The following CALD1 variants were observed in gnomAD, a reference collection of about 807,000 sequenced individuals.
CALD1 encodes the protein caldesmon 1, also known as caldesmon.
CALD1 carries 33 observed loss-of-function variants against 99.9 expected under a neutral mutation model. That is an observed-to-expected ratio of 0.33 (90% CI 0.25 to 0.44). CALD1 has a LOEUF of 0.44. Ranked by LOEUF, CALD1 falls within the 20% of genes least tolerant of loss-of-function variation. The probability of loss-of-function intolerance (pLI) is 1.00; values close to 1 mark genes in which losing one functional copy is unlikely to be tolerated. For missense variants in CALD1, 861 were observed against 962.1 expected, an observed-to-expected ratio of 0.89 and a Z score of 1.39; for synonymous variants, 310 against 325.0, an observed-to-expected ratio of 0.95 and a Z score of 0.50.
chr7:134,877,576 T>A (rs936119979), intron 3 of CALD1, among the ~76,000 whole-genome samples: 3 of 152,182 alleles, frequency 2.0e-5, no homozygotes, highest in African/African-American at 7.2e-5. Flanking sequence ...AAAAATGTAG[T>A]TAGGCCTACA....
intron 3 of CALD1, among the ~76,000 whole-genome samples, chr7:134,901,441 T>C (rs1406712652): frequency 2.6e-5 from 4 of 151,988 alleles, no homozygotes; most frequent in Non-Finnish European, 5.9e-5. Flanking sequence ...TGGGGGAACG[T>C]AGGTGTTTCA....
rs769203304 is a variant in CALD1 at position 134,928,883 on chromosome 7, G to A, written c.201G>A (p.Glu67=). 2.5e-6 allele frequency: 4 copies of A among 1,613,394 alleles called. No individual in the cohort carries two copies. In the African/African-American group the frequency reaches 4.0e-5, roughly 16 times the overall value. Residue 67 remains glutamate, a synonymous_variant, in exon 4 of 15, where the codon GAG becomes GAA. Coordinates refer to ENST00000361675, the MANE Select transcript of CALD1 (RefSeq NM_033138.4). ...TGGGACAGGTGACCGACCAGGTGGA[G>A]GTGAATGCCCAGAACAGGTACTGTC... ...ESLGQVTDQV[E]VNAQNSVPDE... is the part of the protein sequence containing the mutation.
intron 3 of CALD1, among the ~76,000 whole-genome samples, chr7:134,921,848 T>A (rs1804643864): frequency 6.6e-6 from 1 of 152,128 alleles, no homozygotes. Context: ...AAATTTTAAA[T>A]TTAAGTGAAC....
Position 134,935,703 on chromosome 7 carries a change from A to G in CALD1, c.1324A>G (p.Thr442Ala). The G allele has an allele frequency of 6.2e-7, 1 of 1,605,776 alleles. No homozygotes were observed. Among genetic ancestry groups the G allele is most frequent in the Non-Finnish European group, 8.5e-7 (1 of 1,176,482 alleles). The change falls in exon 6 of 15, where the codon ACT becomes GCT. Residue 442 changes from threonine to alanine, a missense_variant. Around this residue, in one of 5 missense-constraint regions of CALD1, gnomAD observed 293 missense variants for 262.7 expected, o/e 1.12. Transcript: ENST00000361675. ...AAATAAAAAGGGAGAAGAGAAGGGA[A>G]CTAAAGTGCAAGCTAAAAGAGAAAA... ...VLKKQGEEKG[T>A]KVQAKREKLQ...
In CALD1 at chr7:134,933,159, G is replaced by T; in HGVS notation, c.390G>T (p.Leu130=). The change falls in exon 5 of 15, where the codon CTG becomes CTT. Residue 130 remains leucine, a synonymous_variant. Transcript: ENST00000361675. ...ACCCAACAATAACAGATGCAAGTCT[G>T]TCGCTCCCAAGCAGAAGAATGCAAA... is the stretch of plus-strand genomic sequence containing the variant. ...EFDPTITDAS[L]SLPSRRMQND... is the part of the protein sequence containing the mutation. 6.2e-7 allele frequency: 1 copy of T among 1,613,436 alleles called. No individual in the cohort carries two copies. Among genetic ancestry groups the T allele is most frequent in the Non-Finnish European group, 8.5e-7 (1 of 1,179,910 alleles).
intron 1 of CALD1, among the ~76,000 whole-genome samples, chr7:134,786,635 G>A (rs999963785): frequency 1.1e-4 from 16 of 152,034 alleles, no homozygotes; most frequent in East Asian, 3.9e-4. Context: ...CGTGGCACAC[G>A]GCAGAATCTC....
At chr7:134,925,769 G>A (rs1462641151) in intron 3 of CALD1, among the ~76,000 whole-genome samples, 23 of 152,182 alleles carry the variant, frequency 1.5e-4, no homozygotes, top group Admixed American at 1.4e-3. Flanking sequence ...TTTGGGTGGG[G>A]ACACAAAGCC....
chr7:134,968,959 T>C lies in CALD1; in HGVS notation c.*614T>C, dbSNP rs1808869594. 1 of 174,256 alleles carries C rather than the reference T, an allele frequency of 5.7e-6. No homozygotes were observed. Among genetic ancestry groups the C allele is most frequent in the Non-Finnish European group, 1.3e-5 (1 of 79,060 alleles). 10.8% of individuals were successfully genotyped at this position (174,256 alleles called of 1,614,324 possible). A position where few individuals can be genotyped will look rare whatever the true frequency, so the allele number is the denominator to read the frequency against. ...TATGTTAGCTGACAGTGGTACTGAT[T>C]TTTTAGGTTGGTTGTTTTGTGGATT... On this transcript the variant is annotated 3_prime_UTR_variant, in exon 15 of 15. Coordinates refer to ENST00000361675, the MANE Select transcript of CALD1 (RefSeq NM_033138.4).
intron 3 of CALD1, among the ~76,000 whole-genome samples, chr7:134,912,420 A>G (rs1803881160): frequency 2.0e-5 from 3 of 152,196 alleles, no homozygotes; most frequent in South Asian, 4.1e-4. Context: ...AGCAGAGGTA[A>G]CACTAATAAT....
intron 14 of CALD1, among the ~76,000 whole-genome samples, chr7:134,966,026 T>C (rs1229406962): frequency 6.6e-6 from 1 of 152,134 alleles, no homozygotes; most frequent in African/African-American, 2.4e-5. Context: ...TGTGGTACAA[T>C]GAGCTCATTC....
At chr7:134,890,558 G>T (rs533101003) in intron 3 of CALD1, among the ~76,000 whole-genome samples, 1 of 152,194 alleles carries the variant, frequency 6.6e-6, no homozygotes, top group Non-Finnish European at 1.5e-5. Flanking sequence ...AGTCCCACGA[G>T]CAGCTTGGTA....
At chr7:134,911,221 T>C (rs1413926417) in intron 3 of CALD1, among the ~76,000 whole-genome samples, 3 of 145,412 alleles carry the variant, frequency 2.1e-5, no homozygotes, top group South Asian at 2.2e-4. Flanking sequence ...TTTTTTTTGG[T>C]GAATGATCAG....
At chr7:134,790,145 G>C (rs550059646) in intron 1 of CALD1, among the ~76,000 whole-genome samples, 27 of 151,756 alleles carry the variant, frequency 1.8e-4, no homozygotes, top group African/African-American at 6.5e-4. Context: ...AAAGGGGGAA[G>C]AGGAGGGAGG....
chr7:134,887,547 T>A (rs1801914634), intron 3 of CALD1, among the ~76,000 whole-genome samples: 1 of 152,256 alleles, frequency 6.6e-6, no homozygotes, highest in East Asian at 1.9e-4. Context: ...GGTTTATGTG[T>A]TTCCATAGTA....
chr7:134,935,115 T>A (rs770863678), intron 5 of CALD1, among the ~76,000 whole-genome samples: 1 of 152,150 alleles, frequency 6.6e-6, no homozygotes, highest in Non-Finnish European at 1.5e-5. Flanking sequence ...TTCTTTATTA[T>A]CTGGGTGACA....
At chr7:134,751,695 G>T (rs1218877678) in intron 1 of CALD1, among the ~76,000 whole-genome samples, 1 of 152,026 alleles carries the variant, frequency 6.6e-6, no homozygotes, top group Non-Finnish European at 1.5e-5. Context: ...TATCATCTAG[G>T]GCTGGGCGTG....
intron 2 of CALD1, among the ~76,000 whole-genome samples, chr7:134,849,551 T>C (rs528909380): frequency 2.6e-5 from 4 of 152,340 alleles, no homozygotes; most frequent in Admixed American, 2.0e-4. Context: ...AAATCACTGT[T>C]ATACTGTATT....
upstream of CALD1, among the ~76,000 whole-genome samples, chr7:134,741,123 C>T (rs1312181551): frequency 6.6e-6 from 1 of 152,128 alleles, no homozygotes; most frequent in African/African-American, 2.4e-5. Flanking sequence ...ATTATTAGTC[C>T]ATTCTCACAC....
intron 3 of CALD1, among the ~76,000 whole-genome samples, chr7:134,927,551 C>CAAAAA (rs58182455): frequency 2.5e-5 from 1 of 40,382 alleles, no homozygotes; most frequent in Non-Finnish European, 4.1e-5. Context: ...GACTGTGTCT[C>CAAAAA]AAAAAAAAAA....
Sources: gnomAD v4.1 joint callset for allele counts (sites outside exome capture counted in the v4.1 genomes callset) on GRCh38, gnomAD v4.1.1 for gene constraint, gnomAD v4.1.1 regional missense constraint, MANE v1.5 for transcripts, NCBI Gene and HGNC (gene_info 2026-07-23, HGNC 2026-07-21) for gene names.